The following DNAJC5G variants were observed in gnomAD, a reference collection of about 807,000 sequenced individuals.
DNAJC5G encodes dnaJ homolog subfamily C member 5G.
DNAJC5G carries 13 observed loss-of-function variants against 19.1 expected under a neutral mutation model. The observed-to-expected ratio is 0.68, with a 90% CI of 0.44 to 1.08. The LOEUF (loss-of-function observed/expected upper bound fraction) is 1.08, where lower values mean the gene tolerates loss of function less well. Ranked by LOEUF, DNAJC5G falls within the 50% of genes least tolerant of loss-of-function variation. The pLI is 0.00. For synonymous variants in DNAJC5G, 81 were observed against 84.4 expected (o/e 0.96, Z 0.22); for missense variants, 245 against 230.4 (o/e 1.06, Z -0.41).
In DNAJC5G at chr2:27,280,474, A is replaced by C; in HGVS notation, c.*64A>C. 1 of 425,512 alleles carries C rather than the reference A, an allele frequency of 2.4e-6. No individual in the cohort carries two copies. The highest frequency in any genetic ancestry group is 2.8e-5 in the South Asian group (1 of 35,154). 26.4% of individuals were successfully genotyped at this position (425,512 alleles called of 1,614,324 possible). ...CCTTCTGCTGCCCAGTCCCCTGGAC[A>C]CATTGAAGAGAGGAGCAAGTAGCCC... On this transcript the variant is annotated 3_prime_UTR_variant, in exon 7 of 7. Coordinates refer to ENST00000296097, the MANE Select transcript of DNAJC5G (RefSeq NM_173650.3).
chr2:27,278,095 T>C, intron 4 of DNAJC5G, 80 bp downstream of exon 4: 1 of 1,607,368 alleles, frequency 6.2e-7, no homozygotes, highest in East Asian at 2.2e-5. Flanking sequence ...TTCTGTTGTC[T>C]CATTTTCTGG....
chr2:27,280,088 TA>T (rs777082821), intron 5 of DNAJC5G, 77 bp from the exon 6 acceptor site: 3 of 1,405,708 alleles, frequency 2.1e-6, no homozygotes, highest in Non-Finnish European at 3.0e-6. Flanking sequence ...AACTGCAAGG[TA>T]ACGGTTTTCT....
rs745899221 is a variant in DNAJC5G at position 27,277,977 on chromosome 2, G to A, written c.337G>A (p.Val113Ile). Residue 113 changes from valine to isoleucine, a missense_variant, in exon 4 of 7, where the codon GTC becomes ATC. Physicochemically the swap from Val to Ile is conservative, Grantham distance 29. Coordinates refer to ENST00000296097, the MANE Select transcript of DNAJC5G (RefSeq NM_173650.3). ...YLYDHFGEEG[V>I]RYYFILNSCW... Reference sequence around the variant, plus strand: ...GTATGATCACTTTGGTGAAGAAGGCGTCAGATACTATTTTATTCTGAATAG... The same window carrying A: ...GTATGATCACTTTGGTGAAGAAGGCATCAGATACTATTTTATTCTGAATAG... 12 of 1,614,050 alleles carry A rather than the reference G, an allele frequency of 7.4e-6. No homozygotes were observed. The highest frequency in any genetic ancestry group is 2.2e-5 in the East Asian group (1 of 44,890).
chr2:27,276,655 C>A, intron 2 of DNAJC5G, 71 bp from the exon 3 acceptor site: 2 of 1,395,070 alleles, frequency 1.4e-6, no homozygotes, highest in Non-Finnish European at 2.0e-6. Context: ...AGTTTCCTGT[C>A]ACTGGAAGTG....
In DNAJC5G at chr2:27,281,489, G is replaced by C. The variant is rs912318703; in HGVS notation, c.*1079G>C. ...ATTGTGTCTGGGGTAGAGAAAAAAG[G>C]CCTAAAGAAATTGCTTCTTGGCCTT... On this transcript the variant is annotated 3_prime_UTR_variant, in exon 7 of 7. Transcript: ENST00000296097. The C allele has an allele frequency of 4.6e-5, 7 of 152,326 alleles. No homozygotes were observed. The highest frequency in any genetic ancestry group is 1.7e-4 in the African/African-American group (7 of 41,438). The allele number at this position is 152,326 out of a possible 1,614,324, so 9.4% of individuals were successfully genotyped here.
Position 27,280,216 on chromosome 2 carries a change from G to T in DNAJC5G, c.*1G>T. The stretch of plus-strand genomic sequence containing the variant: ...GGAAAATAGCGAAGATGATTTTTAA[G>T]AGATGAAGAAGGATGAGGTATGTAA... On this transcript the variant is annotated 3_prime_UTR_variant, in exon 6 of 7. Coordinates refer to ENST00000296097, the MANE Select transcript of DNAJC5G (RefSeq NM_173650.3). The T allele has an allele frequency of 6.2e-7, 1 of 1,614,008 alleles. No individual in the cohort carries two copies. The highest frequency in any genetic ancestry group is 8.5e-7 in the Non-Finnish European group (1 of 1,179,944).
chr2:27,278,683 CAA>C (rs1180058010), intron 5 of DNAJC5G, among the ~76,000 whole-genome samples: 1 of 26,736 alleles, frequency 3.7e-5, no homozygotes, highest in African/African-American at 1.4e-4. Flanking sequence ...GACTCCATCT[CAA>C]AAAAAAAAAA....
Position 27,276,818 on chromosome 2 carries a change from T to G in DNAJC5G, c.90T>G (p.Pro30=). The change falls in exon 3 of 7, where the codon CCT becomes CCG. Residue 30 remains proline, a synonymous_variant. Transcript: ENST00000296097. The part of the protein sequence containing the change: ...AVLDLKKGAS[P]EDFKKSYSHS... ...TGGATCTTAAGAAGGGCGCCTCACC[T>G]GAAGACTTCAAAAAATCCTACAGGT... The G allele has an allele frequency of 6.2e-7, 1 of 1,614,040 alleles. No individual in the cohort carries two copies. Among genetic ancestry groups the G allele is most frequent in the Non-Finnish European group, 8.5e-7 (1 of 1,179,974 alleles).
Position 27,277,871 on chromosome 2 carries a change from G to A in DNAJC5G, c.231G>A (p.Glu77=). 1 of 1,614,168 alleles carries A rather than the reference G, an allele frequency of 6.2e-7. No individual in the cohort carries two copies. ...CTCAAGCAGCAGAAATATTCAAAGA[G>A]ATCAACGCAGCTCATGCCATACTGA... The part of the protein sequence containing the change: ...GNAQAAEIFK[E]INAAHAILSD... The change falls in exon 4 of 7, where the codon GAG becomes GAA. Residue 77 remains glutamate (E), a synonymous_variant. Coordinates refer to ENST00000296097, the MANE Select transcript of DNAJC5G (RefSeq NM_173650.3).
At position 27,280,272 on chromosome 2, in the gene DNAJC5G, A is replaced by G. The variant is rs1000115953; in HGVS notation, c.*18+39A>G. The G allele has an allele frequency of 2.6e-6, 4 of 1,548,018 alleles. No individual in the cohort carries two copies. The African/African-American group carries it at 4.1e-5, about 16-fold the overall frequency. On this transcript the variant is annotated intron_variant, in intron 6 of 6. Coordinates refer to ENST00000296097, the MANE Select transcript of DNAJC5G (RefSeq NM_173650.3). ...AAGGCAGCAACAGTTATCAGATAAG[A>G]AAAGCATGTAAGCTAACGTCAGATG...
In DNAJC5G at chr2:27,278,202, G is replaced by A; in HGVS notation, c.390G>A (p.Leu130=). The part of the protein sequence containing the change: ...NSCWFKTLVI[L]CTLLTCCCFC... ...CTACCTTTTAGACACTTGTCATCCT[G>A]TGTACTCTGCTCACTTGTTGCTGTT... Residue 130 remains leucine (L), a synonymous_variant, in exon 5 of 7, where the codon CTG becomes CTA. Coordinates refer to ENST00000296097, the MANE Select transcript of DNAJC5G (RefSeq NM_173650.3). 2 of 1,614,172 alleles carry A rather than the reference G, an allele frequency of 1.2e-6. No homozygotes were observed. The highest frequency in any genetic ancestry group is 1.7e-6 in the Non-Finnish European group (2 of 1,180,034).
chr2:27,279,925 AAAAGAAGAAGAAGAAGAAGG>A (rs1223852444), intron 5 of DNAJC5G, among the ~76,000 whole-genome samples: 1 of 151,616 alleles, frequency 6.6e-6, no homozygotes, highest in Non-Finnish European at 1.5e-5. Flanking sequence ...CCTGTATCAA[AAAAGAAGAAGAAGAAGAAGG>A]AAAGGAGGAG....
In DNAJC5G at chr2:27,280,108, C is replaced by A; in HGVS notation, c.521-58C>A. 3 of 1,544,638 alleles carry A rather than the reference C, an allele frequency of 1.9e-6. No homozygotes were observed. In the East Asian group the frequency reaches 6.7e-5, roughly 35 times the overall value. Reference sequence around the variant, plus strand: ...CAAGGTAACGGTTTTCTCATCAGTACACTACGAAAAGTTACTAAACGTTTG... The same window carrying A: ...CAAGGTAACGGTTTTCTCATCAGTAAACTACGAAAAGTTACTAAACGTTTG... On this transcript the variant is annotated intron_variant, in intron 5 of 6. Transcript: ENST00000296097.
chr2:27,278,311 C>T lies in DNAJC5G; in HGVS notation c.499C>T (p.Gln167Ter). 6.2e-7 allele frequency: 1 copy of T among 1,614,074 alleles called. No individual in the cohort carries two copies. The highest frequency in any genetic ancestry group is 1.3e-5 in the African/African-American group (1 of 75,026). ...TGGGAGAAAATATCAGCAGAATGTC[C>T]AGAGTCAGCCTCCAAGGTCAGGTGA... is the stretch of plus-strand genomic sequence containing the variant. The part of the protein sequence containing the change: ...DSGRKYQQNV[Q>*]SQPPRSGAKC... Residue 167 changes from glutamine to a stop codon, truncating the protein, a stop_gained, in exon 5 of 7, where the codon CAG becomes TAG. Coordinates refer to ENST00000296097, the MANE Select transcript of DNAJC5G (RefSeq NM_173650.3). LOFTEE classifies it high-confidence loss of function.
intron 5 of DNAJC5G, 81 bp from the exon 6 acceptor site, chr2:27,280,085 A>G: frequency 2.2e-6 from 3 of 1,363,674 alleles, no homozygotes; most frequent in South Asian, 1.2e-5. Context: ...AGTAACTGCA[A>G]GGTAACGGTT....
chr2:27,275,433 G>C lies in DNAJC5G; in HGVS notation c.-406G>C. The C allele has an allele frequency of 2.8e-6, 1 of 358,960 alleles. No homozygotes were observed. 22.2% of individuals were successfully genotyped at this position (358,960 alleles called of 1,614,324 possible). A position where few individuals can be genotyped will look rare whatever the true frequency, so the allele number is the denominator to read the frequency against. On this transcript the variant is annotated 5_prime_UTR_variant, in exon 1 of 7. Transcript: ENST00000296097. ...TTCCGGGGGCGCCAAAAAACGACCT[G>C]CCCAGACCCTCAGCGTCGACGCTGC...
chr2:27,280,014 C>T lies in DNAJC5G; in HGVS notation c.521-152C>T, dbSNP rs138515575. ...AAAGGAAAGTCTGAGATCATTCCCC[C>T]CCAAATGAACTTTTATAAGCTGATT... is the stretch of plus-strand genomic sequence containing the variant. On this transcript the variant is annotated intron_variant, in intron 5 of 6. Coordinates refer to ENST00000296097, the MANE Select transcript of DNAJC5G (RefSeq NM_173650.3). The T allele has an allele frequency of 9.7e-4, 634 of 655,246 alleles. 1 individual carries two copies. In the African/African-American group the frequency reaches 0.01, roughly 10 times the overall value. 40.6% of individuals were successfully genotyped at this position (655,246 alleles called of 1,614,324 possible). A position where few individuals can be genotyped will look rare whatever the true frequency, so the allele number is the denominator to read the frequency against.
In DNAJC5G at chr2:27,278,282, A is replaced by C. The variant is rs758475003; in HGVS notation, c.470A>C (p.Asp157Ala). Residue 157 changes from aspartate (D) to alanine (A), a missense_variant, in exon 5 of 7, where the codon GAT (aspartate) becomes GCT (alanine). Transcript: ENST00000296097. The stretch of plus-strand genomic sequence containing the variant: ...GCACTTAAACCACCACCTGAGCAGG[A>C]TAGTGGGAGAAAATATCAGCAGAAT... ...CGALKPPPEQ[D>A]SGRKYQQNVQ... 10 of 1,614,156 alleles carry C rather than the reference A, an allele frequency of 6.2e-6. No homozygotes were observed. In the Admixed American group the frequency reaches 8.3e-5, roughly 13 times the overall value.
At chr2:27,276,616 G>A (rs1678090520) in intron 2 of DNAJC5G, 110 bp from the exon 3 acceptor site, 4 of 860,866 alleles carry the variant, frequency 4.6e-6, no homozygotes, top group Admixed American at 5.1e-5. Context: ...TTCTGTCATC[G>A]TTTACCTGCC....
Sources: allele counts gnomAD v4.1 joint callset (sites outside exome capture counted in the v4.1 genomes callset), GRCh38; gene constraint gnomAD v4.1.1; transcripts MANE v1.5; gene names NCBI Gene and HGNC (gene_info 2026-07-23, HGNC 2026-07-21).